CTSS: variants seen among roughly 807,000 people sequenced by gnomAD.
CTSS encodes cathepsin S.
CTSS carries 15 observed loss-of-function variants against 39.9 expected under a neutral mutation model. The ratio of observed to expected loss-of-function variants is 0.38; its 90% CI spans 0.25 to 0.58. CTSS has a LOEUF of 0.58. Among genes scored for constraint, CTSS ranks in the 20% least tolerant of loss-of-function variants. The probability of loss-of-function intolerance (pLI) is 0.70; values close to 1 mark genes in which losing one functional copy is unlikely to be tolerated. For missense variants in CTSS, 250 were observed against 398.2 expected (o/e 0.63, Z 3.17); for synonymous variants, 126 against 138.2 (o/e 0.91, Z 0.62).
chr1:150,762,643 A>G (rs1398935187), intron 2 of CTSS, among the ~76,000 whole-genome samples: 1 of 152,192 alleles, frequency 6.6e-6, no homozygotes, highest in Non-Finnish European at 1.5e-5. Context: ...AACAAGACAC[A>G]TACAAATGGC....
At chr1:150,740,404 G>A (rs1277047534) in intron 7 of CTSS, among the ~76,000 whole-genome samples, 1 of 150,824 alleles carries the variant, frequency 6.6e-6, no homozygotes, top group African/African-American at 2.4e-5. Flanking sequence ...CCTTTTTTGA[G>A]ACAGAGTCTC....
At chr1:150,765,663 G>C (rs1035893768) in intron 1 of CTSS, 35 bp downstream of exon 1, 1 of 152,122 alleles carries the variant, frequency 6.6e-6, no homozygotes, top group African/African-American at 2.4e-5. Flanking sequence ...AGTGTTTGAA[G>C]ACCAAATGGG....
chr1:150,755,250 T>G (rs1344922587), intron 3 of CTSS, 100 bp from the exon 4 acceptor site: 23 of 1,332,178 alleles, frequency 1.7e-5, no homozygotes, highest in Non-Finnish European at 3.2e-6. Context: ...CACCATAGTG[T>G]GTACTTACAC....
chr1:150,743,483 T>C (rs1002341420), intron 7 of CTSS, among the ~76,000 whole-genome samples: 5 of 112,536 alleles, frequency 4.4e-5, no homozygotes, highest in Non-Finnish European at 5.3e-5. Flanking sequence ...CCCAACACTT[T>C]GGGAGGCTGG....
At chr1:150,760,547 G>A (rs996338477) in intron 2 of CTSS, among the ~76,000 whole-genome samples, 2 of 152,148 alleles carry the variant, frequency 1.3e-5, no homozygotes, top group African/African-American at 4.8e-5. Flanking sequence ...CTCCAAATAA[G>A]AGAAGGAAGA....
At chr1:150,752,505 G>C (rs960599800) in intron 4 of CTSS, among the ~76,000 whole-genome samples, 7 of 152,064 alleles carry the variant, frequency 4.6e-5, no homozygotes, top group African/African-American at 1.4e-4. Context: ...TTACAAGGAG[G>C]CATAAACAAA....
intron 7 of CTSS, among the ~76,000 whole-genome samples, chr1:150,745,404 T>C (rs1652873725): frequency 1.3e-5 from 2 of 152,148 alleles, no homozygotes; most frequent in Non-Finnish European, 2.9e-5. Context: ...CTCACACCTG[T>C]AATCCCAGTG....
intron 5 of CTSS, among the ~76,000 whole-genome samples, chr1:150,751,353 T>C (rs1190701524): frequency 3.3e-5 from 5 of 152,108 alleles, no homozygotes; most frequent in Non-Finnish European, 7.4e-5. Flanking sequence ...GTTCAAGCGA[T>C]TCTCCTGCTT....
chr1:150,743,678 A>T (rs1314901936), intron 7 of CTSS, among the ~76,000 whole-genome samples: 1 of 64,374 alleles, frequency 1.6e-5, no homozygotes, highest in African/African-American at 5.5e-5. Flanking sequence ...TATATTATAT[A>T]TTATATGTAT....
chr1:150,750,125 G>C lies in CTSS; in HGVS notation c.674C>G (p.Ser225Ter). The change falls in exon 6 of 8, where the codon TCA becomes TGA. Residue 225 changes from serine (S) to a stop codon, truncating the protein, a stop_gained. Coordinates refer to ENST00000368985, the MANE Select transcript of CTSS (RefSeq NM_004079.5). LOFTEE classifies it high-confidence loss of function. ...YDSKYRAATCSKYTELPYGRE... is the reference protein window; with the variant it reads ...YDSKYRAATC ...GCCATAAGGAAGTTCAGTGTACTTT[G>C]AACATGTGGCAGCACGATATTTTGA... 1 of 1,613,696 alleles carries C rather than the reference G, an allele frequency of 6.2e-7. No homozygotes were observed. The highest frequency in any genetic ancestry group is 8.5e-7 in the Non-Finnish European group (1 of 1,179,704).
intron 3 of CTSS, among the ~76,000 whole-genome samples, chr1:150,756,880 C>A (rs1287871521): frequency 6.6e-6 from 1 of 151,948 alleles, no homozygotes; most frequent in Admixed American, 6.6e-5. Context: ...CCACGCCCAG[C>A]TAATTTTGTA....
In CTSS at chr1:150,730,979, A is replaced by T. The variant is rs1196052408; in HGVS notation, c.*2067T>A. ...CTATATATTTTATGCATTTAAAAAC[A>T]TGATTTTAAGAAGGCATTCATAGGC... On this transcript the variant is annotated 3_prime_UTR_variant, in exon 8 of 8. Coordinates refer to ENST00000368985, the MANE Select transcript of CTSS (RefSeq NM_004079.5). 1 of 152,238 alleles carries T rather than the reference A, an allele frequency of 6.6e-6. No homozygotes were observed. Among genetic ancestry groups the T allele is most frequent in the African/African-American group, 2.4e-5 (1 of 41,460 alleles). 9.4% of individuals were successfully genotyped at this position (152,238 alleles called of 1,614,324 possible).
intron 6 of CTSS, among the ~76,000 whole-genome samples, chr1:150,749,553 C>T (rs1297849960): frequency 6.7e-6 from 1 of 149,290 alleles, no homozygotes. Context: ...AATTGCCTCG[C>T]CTCACCCCGC....
chr1:150,740,535 C>T (rs922447831), intron 7 of CTSS, among the ~76,000 whole-genome samples: 9 of 152,082 alleles, frequency 5.9e-5, no homozygotes, highest in African/African-American at 2.2e-4. Context: ...GGACTACAGG[C>T]ATGCGCCACC....
chr1:150,749,597 A>G (rs372453458), intron 6 of CTSS, among the ~76,000 whole-genome samples: 680 of 9,646 alleles, frequency 0.07, 4 homozygotes, highest in Non-Finnish European at 0.1. Flanking sequence ...GCCCCGCCCC[A>G]CCTTGCCCTG....
chr1:150,738,490 A>ATT lies in CTSS; in HGVS notation c.897-5347_897-5346dup, dbSNP rs200199076. 5.0e-3 allele frequency among the ~76,000 whole-genome samples: 692 copies of ATT among 138,900 alleles called. 5 individuals carry two copies. The highest frequency in any genetic ancestry group is 0.017 in the African/African-American group (629 of 37,752). 91.1% of individuals were successfully genotyped at this position (138,900 alleles called of 152,430 possible). A position where few individuals can be genotyped will look rare whatever the true frequency, so the allele number is the denominator to read the frequency against. On this transcript the variant is annotated intron_variant, in intron 7 of 7. Transcript: ENST00000368985. ...CTGTTATGGTGATCTGTGATCAGTG[A>ATT]TTTTTTTTTTTTTTTTGAGATAGGA...
chr1:150,737,394 G>T (rs587688354), intron 7 of CTSS, among the ~76,000 whole-genome samples: 1 of 152,264 alleles, frequency 6.6e-6, no homozygotes, highest in Non-Finnish European at 1.5e-5. Context: ...GAGCCACTGA[G>T]CCGGGCTGAG....
intron 7 of CTSS, among the ~76,000 whole-genome samples, chr1:150,738,125 G>T (rs137957459): frequency 1.8e-4 from 27 of 152,282 alleles, no homozygotes; most frequent in African/African-American, 6.5e-4. Context: ...GCTTTAAAAA[G>T]ATAATTCTGG....
intron 6 of CTSS, 68 bp downstream of exon 6, chr1:150,749,938 C>G: frequency 1.5e-6 from 2 of 1,364,044 alleles, no homozygotes; most frequent in Non-Finnish European, 2.0e-6. Flanking sequence ...AGGCATGAAC[C>G]ACCGTGCTCA....
Sources: allele counts gnomAD v4.1 joint callset (sites outside exome capture counted in the v4.1 genomes callset), GRCh38; gene constraint gnomAD v4.1.1; transcripts MANE v1.5; gene names NCBI Gene and HGNC (gene_info 2026-07-23, HGNC 2026-07-21).